The following RHEX variants were observed in gnomAD, a reference collection of about 807,000 sequenced individuals.
RHEX encodes the protein regulator of hemoglobinization and erythroid cell expansion, also known as regulator of hemoglobinization and erythroid cell expansion protein.
RHEX carries 18 observed loss-of-function variants against 20.1 expected under a neutral mutation model. The ratio of observed to expected loss-of-function variants is 0.90; its 90% CI spans 0.62 to 1.33. The LOEUF is 1.33. Among genes scored for constraint, RHEX ranks in the 40% most tolerant of loss-of-function variants. RHEX has a pLI of 0.00. For synonymous variants in RHEX, 87 were observed against 77.1 expected (o/e 1.13, Z -0.67); for missense variants, 192 against 214.3 (o/e 0.90, Z 0.65).
intron 1 of RHEX, among the ~76,000 whole-genome samples, chr1:206,090,416 A>C (rs547155551): frequency 9.9e-5 from 15 of 152,072 alleles, no homozygotes; most frequent in African/African-American, 3.1e-4. Context: ...CATCTTGGCC[A>C]GGCTGGTCTC....
intron 1 of RHEX, among the ~76,000 whole-genome samples, chr1:206,058,493 G>GA (rs1217322709): frequency 1.3e-5 from 2 of 150,282 alleles, no homozygotes; most frequent in Non-Finnish European, 3.0e-5. Context: ...CCTCTTTTAA[G>GA]AAAAAAACAA....
At chr1:206,093,493 ACT>A (rs1211568471) in intron 1 of RHEX, among the ~76,000 whole-genome samples, 1 of 151,134 alleles carries the variant, frequency 6.6e-6, no homozygotes, top group Non-Finnish European at 1.5e-5. Context: ...CTGGTCTTGA[ACT>A]CCCGACCTCA....
At chr1:206,092,789 T>C (rs1467256019) in intron 1 of RHEX, among the ~76,000 whole-genome samples, 6 of 152,238 alleles carry the variant, frequency 3.9e-5, no homozygotes, top group African/African-American at 1.4e-4. Context: ...CCTCCTTTTC[T>C]TGATTATTGG....
intron 1 of RHEX, among the ~76,000 whole-genome samples, chr1:206,090,624 T>C (rs1033604816): frequency 5.3e-5 from 8 of 152,180 alleles, no homozygotes; most frequent in African/African-American, 1.7e-4. Context: ...ATTAGAATTA[T>C]ATTAGGCCAA....
intron 1 of RHEX, among the ~76,000 whole-genome samples, chr1:206,083,903 T>C: frequency 6.6e-6 from 1 of 152,328 alleles, no homozygotes; most frequent in East Asian, 1.9e-4. Context: ...AGAAGGTACA[T>C]GGATTTTGGG....
At chr1:206,071,500 T>C (rs1365153759) in intron 1 of RHEX, among the ~76,000 whole-genome samples, 1 of 147,116 alleles carries the variant, frequency 6.8e-6, no homozygotes. Context: ...ATACTGATGA[T>C]ATTATATGAT....
chr1:206,081,574 C>T (rs142606912), intron 1 of RHEX, among the ~76,000 whole-genome samples: 11 of 152,332 alleles, frequency 7.2e-5, no homozygotes, highest in African/African-American at 2.6e-4. Flanking sequence ...TGCTGCAACG[C>T]AGTCCTAGCA....
chr1:206,101,633 C>T (rs781849737), intron 5 of RHEX, 119 bp from the exon 6 acceptor site: 4 of 750,936 alleles, frequency 5.3e-6, no homozygotes, highest in East Asian at 2.7e-5. Context: ...CTATTTGGAC[C>T]CAGATCTTCC....
intron 5 of RHEX, 89 bp downstream of exon 5, chr1:206,101,286 A>G (rs1259264643): frequency 9.9e-7 from 1 of 1,013,226 alleles, no homozygotes; most frequent in Non-Finnish European, 1.5e-6. Flanking sequence ...TACCCCAGCT[A>G]TGTAGTGGGA....
intron 1 of RHEX, among the ~76,000 whole-genome samples, chr1:206,080,982 TAC>T (rs71152465): frequency 3.1e-4 from 46 of 149,622 alleles, no homozygotes; most frequent in Non-Finnish European, 2.7e-4. Flanking sequence ...TTTTTGTACA[TAC>T]ACACACACAC....
chr1:206,095,711 G>A lies in RHEX; in HGVS notation c.-96-2022G>A, dbSNP rs543689674. Among the ~76,000 whole-genome samples, 62 of 152,270 alleles carry A rather than the reference G, an allele frequency of 4.1e-4. No homozygotes were observed. The East Asian group carries it at 0.01, about 25-fold the overall frequency. On this transcript the variant is annotated intron_variant, in intron 1 of 5. Transcript: ENST00000331555. ...CATACCTGAAATCCCAGCTACTTGG[G>A]AGGCTCAGGCAGGAGAATCGCTTGA...
intron 1 of RHEX, among the ~76,000 whole-genome samples, chr1:206,075,189 C>T (rs1305280888): frequency 6.6e-6 from 1 of 152,202 alleles, no homozygotes; most frequent in Non-Finnish European, 1.5e-5. Context: ...TGTGTAGCAT[C>T]TTGCTGGAAA....
At chr1:206,086,347 G>GT (rs374713458) in intron 1 of RHEX, among the ~76,000 whole-genome samples, 1,577 of 151,106 alleles carry the variant, frequency 0.01, 46 homozygotes, top group Admixed American at 0.069. Flanking sequence ...GCATTTTCCT[G>GT]TTTTTTTTTC....
chr1:206,096,757 A>G (rs1663075964), intron 1 of RHEX, among the ~76,000 whole-genome samples: 1 of 145,836 alleles, frequency 6.9e-6, no homozygotes, highest in Non-Finnish European at 1.5e-5. Flanking sequence ...TTTGTGCACA[A>G]GTCCCCTGTT....
intron 1 of RHEX, among the ~76,000 whole-genome samples, chr1:206,058,754 G>A (rs577644806): frequency 2.6e-4 from 40 of 152,282 alleles, no homozygotes; most frequent in African/African-American, 9.6e-4. Flanking sequence ...CCTTTCATGT[G>A]AAATCTTTAG....
intron 1 of RHEX, among the ~76,000 whole-genome samples, chr1:206,060,015 C>G (rs1445948485): frequency 6.6e-6 from 1 of 152,132 alleles, no homozygotes; most frequent in Non-Finnish European, 1.5e-5. Flanking sequence ...GTCATATCTG[C>G]TAACCCTTGG....
chr1:206,079,367 A>G (rs1553285576), intron 1 of RHEX, among the ~76,000 whole-genome samples: 1 of 152,220 alleles, frequency 6.6e-6, no homozygotes, highest in Non-Finnish European at 1.5e-5. Context: ...AGAGCCATAA[A>G]GACGTTTCCT....
chr1:206,058,163 G>A lies in RHEX; in HGVS notation c.-97+4898G>A, dbSNP rs553784580. Among the ~76,000 whole-genome samples, 36 of 152,338 alleles carry A rather than the reference G, an allele frequency of 2.4e-4. No individual in the cohort carries two copies. In the South Asian group the frequency reaches 4.8e-3, roughly 20 times the overall value. ...GGACTCAATCTGGGAGCCATGTTTG[G>A]AAATTGGTTCCCAGCAATAGGTGGA... On this transcript the variant is annotated intron_variant, in intron 1 of 5. Transcript: ENST00000331555.
chr1:206,056,333 C>T (rs1293174656), intron 1 of RHEX: 4 of 152,496 alleles, frequency 2.6e-5, no homozygotes, highest in East Asian at 1.9e-4. Flanking sequence ...GACTGGTCCA[C>T]GCACAGCTGA....
Sources: gnomAD v4.1 joint callset for allele counts (sites outside exome capture counted in the v4.1 genomes callset) on GRCh38, gnomAD v4.1.1 for gene constraint, MANE v1.5 for transcripts, NCBI Gene and HGNC (gene_info 2026-07-23, HGNC 2026-07-21) for gene names.